TECPR1: variants seen among roughly 807,000 people sequenced by gnomAD.
The protein encoded by TECPR1 is tectonin beta-propeller repeat containing 1, also known as tectonin beta-propeller repeat-containing protein 1.
Under a neutral mutation model 162.4 loss-of-function variants are expected in TECPR1, and 122 were observed. The observed-to-expected ratio is 0.75, with a 90% confidence interval of 0.65 to 0.87. The LOEUF is 0.87. Among genes scored for constraint, TECPR1 ranks in the 40% least tolerant of loss-of-function variants. The pLI, the probability that TECPR1 is intolerant of heterozygous loss-of-function variation, is 0.00. For missense variants in TECPR1, 1,432 were observed against 1,618.2 expected (o/e 0.88, Z 1.97); for synonymous variants, 642 against 670.6 (o/e 0.96, Z 0.66).
chr7:98,229,211 C>G (rs1299607599), intron 15 of TECPR1, 45 bp from the exon 16 acceptor site: 2 of 1,532,800 alleles, frequency 1.3e-6, no homozygotes, highest in African/African-American at 2.8e-5. Flanking sequence ...CAGACCCCAC[C>G]TTCCAACCCT....
intron 10 of TECPR1, among the ~76,000 whole-genome samples, chr7:98,236,472 C>T (rs939449483): frequency 2.0e-5 from 3 of 151,874 alleles, no homozygotes; most frequent in Admixed American, 6.6e-5. Context: ...AGCTCAGGGT[C>T]GAGCCTTACC....
At chr7:98,220,686 T>A (rs948753399) in intron 23 of TECPR1, among the ~76,000 whole-genome samples, 6 of 151,872 alleles carry the variant, frequency 4.0e-5, no homozygotes, top group African/African-American at 1.4e-4. Context: ...AGCCTCCCGA[T>A]TAGCTTGGAC....
intron 16 of TECPR1, chr7:98,228,505 C>G (rs1290569677): frequency 1.2e-5 from 3 of 251,868 alleles, no homozygotes; most frequent in Non-Finnish European, 2.4e-5. Flanking sequence ...CCGGCTTCCT[C>G]ACTTGTAAAA....
chr7:98,248,229 G>C (rs1329809524), intron 2 of TECPR1, among the ~76,000 whole-genome samples: 1 of 152,154 alleles, frequency 6.6e-6, no homozygotes, highest in Non-Finnish European at 1.5e-5. Context: ...CAAACACAGA[G>C]CTACTGGATG....
rs1007535023 is a variant in TECPR1, at chr7:98,228,914, T to C, written c.2410+125A>G. On this transcript the variant is annotated intron_variant, in intron 16 of 25. Coordinates refer to ENST00000447648, the MANE Select transcript of TECPR1 (RefSeq NM_015395.3). ...GGCTGGCAGTGGTGAAGGTCACCTG[T>C]CAGCCAGCTGTTAGCCGAGTGTGAA... 3 of 1,349,756 alleles carry C rather than the reference T, an allele frequency of 2.2e-6. No individual in the cohort carries two copies. The African/African-American group carries it at 4.4e-5, about 20-fold the overall frequency. The allele number at this position is 1,349,756 out of a possible 1,614,324, so 83.6% of individuals were successfully genotyped here.
chr7:98,230,295 C>T (rs1279605984), intron 15 of TECPR1, among the ~76,000 whole-genome samples: 1 of 152,014 alleles, frequency 6.6e-6, no homozygotes. Context: ...CGTGAGCCAA[C>T]CTGCCTAGCC....
At chr7:98,224,537 C>A (rs1445526696) in intron 19 of TECPR1, among the ~76,000 whole-genome samples, 1 of 152,174 alleles carries the variant, frequency 6.6e-6, no homozygotes, top group African/African-American at 2.4e-5. Context: ...ATGAACGTGG[C>A]GTGGGGGAGC....
intron 14 of TECPR1, 40 bp from the exon 15 acceptor site, chr7:98,231,158 G>T: frequency 6.2e-7 from 1 of 1,605,700 alleles, no homozygotes. Context: ...AGCAGGCCAG[G>T]CCAGGCCAGG....
rs1798753729 is a variant in TECPR1, at chr7:98,241,704, T to A, written c.658-460A>T. Among the ~76,000 whole-genome samples, 1 of 152,228 alleles carries A rather than the reference T, an allele frequency of 6.6e-6. No individual in the cohort carries two copies. The highest frequency in any genetic ancestry group is 6.5e-5 in the Admixed American group (1 of 15,282). On this transcript the variant is annotated intron_variant, in intron 6 of 25. Coordinates refer to ENST00000447648, the MANE Select transcript of TECPR1 (RefSeq NM_015395.3). This position sits in a 1 kb window ranked among gnomAD's most constrained non-coding sequence, Gnocchi z 5.0. ...GAGCGTCTGAACTGTTTGGCTCATTTTAGCTGGGGGAGACTACATGTCACT... is the reference window on the plus strand; with the variant it reads ...GAGCGTCTGAACTGTTTGGCTCATTATAGCTGGGGGAGACTACATGTCACT...
At chr7:98,230,510 C>G (rs1191692079) in intron 15 of TECPR1, among the ~76,000 whole-genome samples, 1 of 152,170 alleles carries the variant, frequency 6.6e-6, no homozygotes, top group African/African-American at 2.4e-5. Context: ...TGACCACGCC[C>G]CCAAACTCTC....
rs903075165 is a variant in TECPR1, at chr7:98,230,859, C to G, written c.2282+102G>C. On this transcript the variant is annotated intron_variant, in intron 15 of 25. Transcript: ENST00000447648. ...GTGCCTCTGCCTGGTCAGCGAGAAG[C>G]TTGACCCTGCGTGGACTCCAGTCCT... 1.5e-5 allele frequency: 21 copies of G among 1,440,024 alleles called. No homozygotes were observed. In the Admixed American group the frequency reaches 4.8e-4, roughly 33 times the overall value. The allele number at this position is 1,440,024 out of a possible 1,614,324, so 89.2% of individuals were successfully genotyped here. A position where few individuals can be genotyped will look rare whatever the true frequency, so the allele number is the denominator to read the frequency against.
chr7:98,219,596 G>C (rs1172107728), intron 23 of TECPR1, among the ~76,000 whole-genome samples: 1 of 152,038 alleles, frequency 6.6e-6, no homozygotes, highest in African/African-American at 2.4e-5. Flanking sequence ...GACATGAATA[G>C]ACATTTCTCA....
chr7:98,245,222 A>C, intron 3 of TECPR1, 155 bp from the exon 4 acceptor site: 1 of 789,092 alleles, frequency 1.3e-6, no homozygotes. Flanking sequence ...TGTGGGACCC[A>C]GCAACTGGGG....
At position 98,233,611 on chromosome 7, in the gene TECPR1, C is replaced by T. The variant is rs1480463207; in HGVS notation, c.1482G>A (p.Glu494=). The T allele has an allele frequency of 6.3e-7, 1 of 1,586,546 alleles. No individual in the cohort carries two copies. The highest frequency in any genetic ancestry group is 1.8e-5 in the Admixed American group (1 of 55,188). Residue 494 remains glutamate (E), a synonymous_variant, in exon 11 of 26, where the codon GAG becomes GAA. Coordinates refer to ENST00000447648, the MANE Select transcript of TECPR1 (RefSeq NM_015395.3). The stretch of plus-strand genomic sequence containing the variant: ...CCGAGTGGCTGGGCACTTTCTTGGC[C>T]TCCTTGAGGTCAATATTGGTCCAGG... ...ELPWTNIDLK[E]AKKVPSHSAA...
chr7:98,235,827 CAAAA>C (rs765569294), intron 10 of TECPR1, among the ~76,000 whole-genome samples: 2 of 36,694 alleles, frequency 5.5e-5, no homozygotes, highest in Non-Finnish European at 7.4e-5. Flanking sequence ...GAGACTGTCT[CAAAA>C]AAAAAAAAAA....
chr7:98,218,068 A>G (rs747012738), intron 23 of TECPR1, 26 bp from the exon 24 acceptor site: 1 of 1,536,330 alleles, frequency 6.5e-7, no homozygotes, highest in Non-Finnish European at 8.8e-7. Flanking sequence ...GTGAGGGTCA[A>G]AGGGGAAGAC....
chr7:98,238,666 C>A, intron 8 of TECPR1, 56 bp from the exon 9 acceptor site: 1 of 1,437,278 alleles, frequency 7.0e-7, no homozygotes, highest in Non-Finnish European at 9.6e-7. Flanking sequence ...ACAGACGGTT[C>A]GTTCGTTTAA....
chr7:98,221,781 G>T, intron 22 of TECPR1, 28 bp from the exon 23 acceptor site: 2 of 1,594,118 alleles, frequency 1.3e-6, no homozygotes, highest in Non-Finnish European at 1.7e-6. Context: ...ACTCAGGCAC[G>T]CTGCCTTCTC....
At chr7:98,233,983 A>G in intron 10 of TECPR1, 72 bp from the exon 11 acceptor site, 1 of 1,457,974 alleles carries the variant, frequency 6.9e-7, no homozygotes, top group Non-Finnish European at 9.1e-7. Context: ...GCCCAGCTCC[A>G]GCGTGCTCCA....
Sources: allele counts gnomAD v4.1 joint callset (sites outside exome capture counted in the v4.1 genomes callset), GRCh38; gene constraint gnomAD v4.1.1; non-coding constraint Gnocchi (gnomAD v3.1); transcripts MANE v1.5; gene names NCBI Gene and HGNC (gene_info 2026-07-23, HGNC 2026-07-21).